Variants in CSMD3 observed in about 807,000 individuals in gnomAD.
CSMD3 encodes the protein CUB and Sushi multiple domains 3.
CSMD3 carries 177 observed loss-of-function variants against 435.2 expected under a neutral mutation model. The observed-to-expected ratio is 0.41, with a 90% CI of 0.36 to 0.46. The LOEUF (loss-of-function observed/expected upper bound fraction) is 0.46. Ranked by LOEUF, CSMD3 falls within the 20% of genes least tolerant of loss-of-function variation. CSMD3 has a pLI of 0.34. For missense variants in CSMD3, 4,265 were observed against 4,504.6 expected, an observed-to-expected ratio of 0.95 and a Z score of 1.52; for synonymous variants, 1,656 against 1,520.5, an observed-to-expected ratio of 1.09 and a Z score of -2.07.
chr8:112,386,423 T>G (rs1211287555), intron 36 of CSMD3, among the ~76,000 whole-genome samples: 1 of 152,140 alleles, frequency 6.6e-6, no homozygotes, highest in Non-Finnish European at 1.5e-5. Context: ...CAGACAATGC[T>G]ATGAGATTTG....
At chr8:113,390,958 T>C (rs930526727) in intron 1 of CSMD3, among the ~76,000 whole-genome samples, 4 of 151,906 alleles carry the variant, frequency 2.6e-5, no homozygotes, top group Non-Finnish European at 4.4e-5. Context: ...ACCTCATATT[T>C]GGAGAGGCAG....
At chr8:112,378,036 T>C (rs777455461) in intron 38 of CSMD3, among the ~76,000 whole-genome samples, 1 of 151,662 alleles carries the variant, frequency 6.6e-6, no homozygotes, top group Non-Finnish European at 1.5e-5. Context: ...GGCATCCAAG[T>C]GAAAAAGGAA....
At chr8:112,761,480 T>C (rs1245633391) in intron 13 of CSMD3, among the ~76,000 whole-genome samples, 1 of 152,070 alleles carries the variant, frequency 6.6e-6, no homozygotes, top group East Asian at 1.9e-4. Context: ...AGATAAAATA[T>C]CCTGTAAATA....
chr8:112,960,935 A>C (rs1346700108), intron 7 of CSMD3, among the ~76,000 whole-genome samples: 1 of 151,764 alleles, frequency 6.6e-6, no homozygotes, highest in African/African-American at 2.4e-5. Context: ...TTTAAATCTT[A>C]AACTCCTAAT....
chr8:113,248,447 T>C (rs2093298900), intron 3 of CSMD3, among the ~76,000 whole-genome samples: 1 of 13,684 alleles, frequency 7.3e-5, no homozygotes, highest in Non-Finnish European at 1.3e-4. Context: ...GGAAATAATA[T>C]GGAAATATAT....
rs190424211 is a variant in CSMD3 at position 112,796,722 on chromosome 8, G to T, written c.1972+3440C>A. On this transcript the variant is annotated intron_variant, in intron 13 of 70. Transcript: ENST00000297405. ...TTTCTAAGGGAAATGGGGCAAGGTG[G>T]ACAGCTAGGTTATACTTCCTTTTCA... Among the ~76,000 whole-genome samples, 19 of 152,036 alleles carry T rather than the reference G, an allele frequency of 1.2e-4. No homozygotes were observed. In the East Asian group the frequency reaches 3.7e-3, roughly 29 times the overall value.
intron 13 of CSMD3, among the ~76,000 whole-genome samples, chr8:112,728,087 G>T (rs567219977): frequency 6.6e-6 from 1 of 151,472 alleles, no homozygotes; most frequent in Non-Finnish European, 1.5e-5. Context: ...GTTAATTAGG[G>T]GTAGTCATGT....
Position 113,027,008 on chromosome 8 carries a change from C to T in CSMD3, c.918-7829G>A, listed in dbSNP as rs187946836. Among the ~76,000 whole-genome samples the T allele has an allele frequency of 3.0e-3, 464 of 152,214 alleles. 3 individuals carry two copies. The highest frequency in any genetic ancestry group is 0.011 in the African/African-American group (453 of 41,542). On this transcript the variant is annotated intron_variant, in intron 5 of 70. Coordinates refer to ENST00000297405, the MANE Select transcript of CSMD3 (RefSeq NM_198123.2). ...TTCAAACTGTAGATAATGAATTATG[C>T]TAATTAAGTACTATCCTATTACAAA...
At chr8:113,066,049 T>A (rs778942893) in intron 5 of CSMD3, among the ~76,000 whole-genome samples, 1 of 151,148 alleles carries the variant, frequency 6.6e-6, no homozygotes, top group Non-Finnish European at 1.5e-5. Flanking sequence ...AATTTTTTTT[T>A]TTCTGAGAGG....
chr8:112,740,693 T>C (rs924592593), intron 13 of CSMD3, among the ~76,000 whole-genome samples: 2 of 151,854 alleles, frequency 1.3e-5, no homozygotes, highest in Non-Finnish European at 2.9e-5. Flanking sequence ...AAAGAAAAGT[T>C]TGGTGAAGTG....
At chr8:113,355,269 AACAC>A (rs924301368) in intron 1 of CSMD3, among the ~76,000 whole-genome samples, 1 of 151,676 alleles carries the variant, frequency 6.6e-6, no homozygotes, top group Non-Finnish European at 1.5e-5. Context: ...GTACATATAT[AACAC>A]ACACACACAT....
intron 13 of CSMD3, among the ~76,000 whole-genome samples, chr8:112,729,250 A>C (rs2077027556): frequency 6.6e-6 from 1 of 152,062 alleles, no homozygotes; most frequent in East Asian, 1.9e-4. Context: ...TTCTTAGAGC[A>C]GGGGTGAGGG....
At chr8:112,483,207 T>G (rs1438842757) in intron 31 of CSMD3, among the ~76,000 whole-genome samples, 1 of 152,128 alleles carries the variant, frequency 6.6e-6, no homozygotes, top group African/African-American at 2.4e-5. Context: ...GGTTTAGGTT[T>G]AGGCTGGGCG....
chr8:112,587,256 T>G, intron 22 of CSMD3, 21 bp from the exon 23 acceptor site: 1 of 1,578,908 alleles, frequency 6.3e-7, no homozygotes. Context: ...AACAGAATAT[T>G]GAAGTACAGT....
At chr8:112,686,580 G>A (rs1488737495) in intron 14 of CSMD3, among the ~76,000 whole-genome samples, 1 of 150,716 alleles carries the variant, frequency 6.6e-6, no homozygotes, top group Non-Finnish European at 1.5e-5. Context: ...TCCACCTTCC[G>A]GGTTCAAGAG....
intron 3 of CSMD3, among the ~76,000 whole-genome samples, chr8:113,271,319 T>A (rs1177391429): frequency 6.6e-6 from 1 of 152,118 alleles, no homozygotes; most frequent in African/African-American, 2.4e-5. Flanking sequence ...CACAGGTCTT[T>A]ATGGCAGCCC....
At chr8:113,376,211 T>G (rs933486157) in intron 1 of CSMD3, among the ~76,000 whole-genome samples, 3 of 152,114 alleles carry the variant, frequency 2.0e-5, no homozygotes, top group Admixed American at 6.5e-5. Flanking sequence ...AAAAGTAGGT[T>G]CCTGAAGTAG....
intron 38 of CSMD3, among the ~76,000 whole-genome samples, chr8:112,357,031 G>A (rs1206917392): frequency 6.6e-6 from 1 of 152,174 alleles, no homozygotes; most frequent in Non-Finnish European, 1.5e-5. Context: ...ATAACTGACA[G>A]AAGTTGGAAC....
chr8:112,713,259 G>A (rs117187226), intron 13 of CSMD3, among the ~76,000 whole-genome samples: 208 of 152,012 alleles, frequency 1.4e-3, no homozygotes, highest in African/African-American at 3.7e-3. Flanking sequence ...GATCCCACTC[G>A]TGAGCCCAAA....
Sources: allele counts gnomAD v4.1 joint callset (sites outside exome capture counted in the v4.1 genomes callset), GRCh38; gene constraint gnomAD v4.1.1; transcripts MANE v1.5; gene names NCBI Gene and HGNC (gene_info 2026-07-23, HGNC 2026-07-21).